Variants in PCDHGA9 observed in about 807,000 individuals in gnomAD.
The protein encoded by PCDHGA9 is protocadherin gamma subfamily A, 9.
In PCDHGA9, 37 loss-of-function variants were observed where a neutral mutation model predicts 62.5. The observed-to-expected ratio is 0.59, with a 90% CI of 0.46 to 0.78. PCDHGA9 has a LOEUF of 0.78. Ranked by LOEUF, PCDHGA9 falls within the 30% of genes least tolerant of loss-of-function variation. The pLI, the probability that PCDHGA9 is intolerant of heterozygous loss-of-function variation, is 0.00. For synonymous variants in PCDHGA9, 459 were observed against 484.6 expected (o/e 0.95, Z 0.69); for missense variants, 1,138 against 1,166.2 (o/e 0.98, Z 0.35).
rs765756193 is a variant in PCDHGA9, at chr5:141,511,105, C to T, written c.2731C>T (p.Arg911Trp). The T allele has an allele frequency of 2.8e-5, 46 of 1,614,196 alleles. No individual in the cohort carries two copies. In the East Asian group the frequency reaches 3.1e-4, roughly 11 times the overall value. Residue 911 changes from arginine to tryptophan, a missense_variant, in exon 4 of 4, where the codon CGG becomes TGG. Transcript: ENST00000573521. ...CACACTGACCAACGCAGCTGGCAAG[C>T]GGGATGGCAAGGCCCCAGCAGGTGG... ...NATLTNAAGK[R>W]DGKAPAGGNG...
At position 141,491,753 on chromosome 5, in the gene PCDHGA9, C is replaced by T. The variant is rs373728953; in HGVS notation, c.2425-3054C>T. On this transcript the variant is annotated intron_variant, in intron 1 of 3. Coordinates refer to ENST00000573521, the MANE Select transcript of PCDHGA9 (RefSeq NM_018921.3). The surrounding 1 kb of genome is among the most constrained non-coding windows in gnomAD (Gnocchi z 6.9). ...ACCCCTGGGGGCGGCACTGGAGAAGCCGCCCGTCCTCATAAGGGATTGAAC... is the reference window on the plus strand; with the variant it reads ...ACCCCTGGGGGCGGCACTGGAGAAGTCGCCCGTCCTCATAAGGGATTGAAC... 4 of 1,585,146 alleles carry T rather than the reference C, an allele frequency of 2.5e-6. No homozygotes were observed. Among genetic ancestry groups the T allele is most frequent in the East Asian group, 2.3e-5 (1 of 43,412 alleles).
rs1594492695 is a variant in PCDHGA9 at position 141,485,536 on chromosome 5, A to G, written c.2425-9271A>G. On this transcript the variant is annotated intron_variant, in intron 1 of 3. Transcript: ENST00000573521. The surrounding 1 kb of genome is among the most constrained non-coding windows in gnomAD (Gnocchi z 5.7). ...CTTTGGAAATGTACCGAGCAGAGGTAGAGATCGTAGATGTGAATGATCACG... is the reference window on the plus strand; with the variant it reads ...CTTTGGAAATGTACCGAGCAGAGGTGGAGATCGTAGATGTGAATGATCACG... 3 of 1,613,976 alleles carry G rather than the reference A, an allele frequency of 1.9e-6. No homozygotes were observed. The highest frequency in any genetic ancestry group is 2.5e-6 in the Non-Finnish European group (3 of 1,179,946).
intron 1 of PCDHGA9, chr5:141,412,207 C>T (rs529672287): frequency 1.1e-3 from 173 of 152,330 alleles, no homozygotes; most frequent in African/African-American, 4.1e-3. Flanking sequence ...GGTCATTTGA[C>T]ATAAACACTT....
chr5:141,477,262 C>A lies in PCDHGA9; in HGVS notation c.2425-17545C>A, dbSNP rs60063068. 1.2e-5 allele frequency: 19 copies of A among 1,614,020 alleles called. No homozygotes were observed. The East Asian group carries it at 4.2e-4, about 36-fold the overall frequency. On this transcript the variant is annotated intron_variant, in intron 1 of 3. Transcript: ENST00000573521. This position sits in a 1 kb window ranked among gnomAD's most constrained non-coding sequence, Gnocchi z 4.9. ...TCAGTGTGACTGACCTGGATGCTGG[C>A]GAGAACGGGCTGGTGACCTGCGAAG...
Position 141,485,434 on chromosome 5 carries a change from G to T in PCDHGA9, c.2425-9373G>T. The stretch of plus-strand genomic sequence containing the variant: ...TGGACAGCGGAGCCCTGCTCATCAA[G>T]AACCCAATCGACCGAGAGGCACTGT... On this transcript the variant is annotated intron_variant, in intron 1 of 3. Transcript: ENST00000573521. This position sits in a 1 kb window ranked among gnomAD's most constrained non-coding sequence, Gnocchi z 5.7. The T allele has an allele frequency of 6.2e-7, 1 of 1,614,166 alleles. No homozygotes were observed. The highest frequency in any genetic ancestry group is 1.6e-4 in the Middle Eastern group (1 of 6,062).
intron 1 of PCDHGA9, among the ~76,000 whole-genome samples, chr5:141,467,320 T>C (rs1593065881): frequency 6.6e-6 from 1 of 152,322 alleles, no homozygotes; most frequent in African/African-American, 2.4e-5. Flanking sequence ...CCCACAGTGC[T>C]GGGATTAGAG....
At chr5:141,469,142 G>A (rs1473440049) in intron 1 of PCDHGA9, among the ~76,000 whole-genome samples, 3 of 152,024 alleles carry the variant, frequency 2.0e-5, no homozygotes, top group East Asian at 1.9e-4. Flanking sequence ...CAGAAATGGT[G>A]GCACATGTCT....
chr5:141,426,317 C>A, intron 1 of PCDHGA9: 1 of 173,952 alleles, frequency 5.7e-6, no homozygotes, highest in African/African-American at 2.4e-5. Flanking sequence ...AGAAGCAGGA[C>A]CCGGCAGTGG....
At chr5:141,414,947 T>C (rs1422289231) in intron 1 of PCDHGA9, 1 of 1,614,052 alleles carries the variant, frequency 6.2e-7, no homozygotes, top group Non-Finnish European at 8.5e-7. Context: ...CCCGGCTACC[T>C]GGTGACCAAG....
intron 1 of PCDHGA9, chr5:141,427,300 A>G: frequency 2.2e-6 from 1 of 456,912 alleles, no homozygotes; most frequent in Non-Finnish European, 4.4e-6. Flanking sequence ...CTAGATGAGA[A>G]TGACAATGCC....
At chr5:141,441,791 C>T in intron 1 of PCDHGA9, 1 of 390,714 alleles carries the variant, frequency 2.6e-6, no homozygotes, top group Non-Finnish European at 5.1e-6. Flanking sequence ...TGAATGACAA[C>T]GCACCGCGGG....
At chr5:141,480,738 T>C (rs2099524955) in intron 1 of PCDHGA9, among the ~76,000 whole-genome samples, 1 of 152,124 alleles carries the variant, frequency 6.6e-6, no homozygotes, top group Admixed American at 6.5e-5. Flanking sequence ...GGGTGGGACA[T>C]AGGCATCATT....
intron 1 of PCDHGA9, among the ~76,000 whole-genome samples, chr5:141,436,478 A>G (rs1360229764): frequency 2.0e-5 from 3 of 152,220 alleles, no homozygotes; most frequent in Non-Finnish European, 4.4e-5. Context: ...TGTATCATAG[A>G]AGGATAGCAG....
At chr5:141,409,596 A>G in intron 1 of PCDHGA9, 1 of 1,613,714 alleles carries the variant, frequency 6.2e-7, no homozygotes, top group Non-Finnish European at 8.5e-7. Flanking sequence ...GCCGAGAACA[A>G]CCCGCCAGGA....
chr5:141,457,233 T>G (rs1038193595), intron 1 of PCDHGA9, among the ~76,000 whole-genome samples: 9 of 152,208 alleles, frequency 5.9e-5, no homozygotes, highest in African/African-American at 2.2e-4. Flanking sequence ...AATTTCCATC[T>G]AAAATTTTAC....
chr5:141,485,344 C>G lies in PCDHGA9; in HGVS notation c.2425-9463C>G. On this transcript the variant is annotated intron_variant, in intron 1 of 3. Coordinates refer to ENST00000573521, the MANE Select transcript of PCDHGA9 (RefSeq NM_018921.3). This position sits in a 1 kb window ranked among gnomAD's most constrained non-coding sequence, Gnocchi z 5.7. ...CTCAAGATTTCCTGCTGGATACGGA[C>G]AGTCTGTCAGCTCGCAGGCTGCAGG... 6.2e-7 allele frequency: 1 copy of G among 1,614,116 alleles called. No individual in the cohort carries two copies. The highest frequency in any genetic ancestry group is 8.5e-7 in the Non-Finnish European group (1 of 1,180,004).
At chr5:141,479,877 T>C (rs967661238) in intron 1 of PCDHGA9, among the ~76,000 whole-genome samples, 2 of 152,188 alleles carry the variant, frequency 1.3e-5, no homozygotes, top group African/African-American at 4.8e-5. Flanking sequence ...GAGAACCCTA[T>C]ACATACTCTC....
chr5:141,421,749 C>T, intron 1 of PCDHGA9: 1 of 1,613,918 alleles, frequency 6.2e-7, no homozygotes, highest in Non-Finnish European at 8.5e-7. Flanking sequence ...ACCAGCTCAG[C>T]CCTAATAATT....
chr5:141,492,499 C>T (rs2099741220), intron 1 of PCDHGA9, among the ~76,000 whole-genome samples: 1 of 152,198 alleles, frequency 6.6e-6, no homozygotes. Context: ...GGCGAGGACT[C>T]CGGAGCCTCC....
Sources: allele counts gnomAD v4.1 joint callset (sites outside exome capture counted in the v4.1 genomes callset), GRCh38; gene constraint gnomAD v4.1.1; non-coding constraint Gnocchi (gnomAD v3.1); transcripts MANE v1.5; gene names NCBI Gene and HGNC (gene_info 2026-07-23, HGNC 2026-07-21).